The following TAF1D variants were observed in gnomAD, a reference collection of about 807,000 sequenced individuals.
TAF1D encodes TATA box-binding protein-associated factor RNA polymerase I subunit D.
TAF1D carries 23 observed loss-of-function variants against 26.2 expected under a neutral mutation model. The observed-to-expected ratio is 0.88, with a 90% confidence interval of 0.63 to 1.25. The LOEUF is 1.25. Ranked by LOEUF, TAF1D falls within the 50% of genes most tolerant of loss-of-function variation. The pLI, the probability that TAF1D is intolerant of heterozygous loss-of-function variation, is 0.00. For synonymous variants in TAF1D, 100 were observed against 105.6 expected, an observed-to-expected ratio of 0.95 and a Z score of 0.33; for missense variants, 299 against 322.0, an observed-to-expected ratio of 0.93 and a Z score of 0.55.
downstream of TAF1D, chr11:93,733,754 C>A: frequency 1.0e-5 from 3 of 298,500 alleles, no homozygotes; most frequent in Non-Finnish European, 2.0e-5. Context: ...AACCGCTGGG[C>A]TCAAGTGTTT....
In TAF1D at chr11:93,736,302, C is replaced by A; in HGVS notation, c.696G>T (p.Gly232=). The change falls in exon 6 of 6, where the codon GGG becomes GGT. Residue 232 remains glycine (G), a splice_region_variant and synonymous_variant. Coordinates refer to ENST00000448108, the MANE Select transcript of TAF1D (RefSeq NM_024116.4). ...EDNECDIKLA[G]DSFIVSSEFP... Reference sequence around the variant, plus strand: ...ATTCAGAACTTACTATGAAACTATCCCCCTGCATAAAACAAACAAAAAATC... The same window carrying A: ...ATTCAGAACTTACTATGAAACTATCACCCTGCATAAAACAAACAAAAAATC... The A allele has an allele frequency of 6.3e-7, 1 of 1,598,358 alleles. No homozygotes were observed. Among genetic ancestry groups the A allele is most frequent in the South Asian group, 1.1e-5 (1 of 88,066 alleles).
chr11:93,736,837 C>T (rs921671231), intron 4 of TAF1D, 86 bp from the exon 5 acceptor site: 11 of 1,402,640 alleles, frequency 7.8e-6, no homozygotes, highest in Non-Finnish European at 7.8e-6. Flanking sequence ...ATAACTGAAA[C>T]TGCAATACTA....
intron 4 of TAF1D, 147 bp downstream of exon 4, chr11:93,736,917 G>T: frequency 3.7e-6 from 4 of 1,094,946 alleles, no homozygotes; most frequent in Non-Finnish European, 5.1e-6. Flanking sequence ...TGCCAAGCTT[G>T]GCTCAACTGT....
chr11:93,732,096 C>T (rs148451551), downstream of TAF1D: 1 of 518,882 alleles, frequency 1.9e-6, no homozygotes, highest in African/African-American at 1.9e-5. Context: ...TATTTTTGGA[C>T]ACCATGATCA....
chr11:93,732,671 T>C (rs567543661), downstream of TAF1D: 1 of 287,814 alleles, frequency 3.5e-6, no homozygotes, highest in Non-Finnish European at 7.1e-6. Flanking sequence ...CTCTAGTCTT[T>C]GCCTAATCTT....
At chr11:93,731,900 T>C (rs1939045005), downstream of TAF1D, 1 of 394,820 alleles carries the variant, frequency 2.5e-6, no homozygotes, top group Admixed American at 3.1e-5. Flanking sequence ...ATACAGCACA[T>C]AAAAAAAGTG....
At chr11:93,740,466 A>G (rs1053299731) in intron 1 of TAF1D, among the ~76,000 whole-genome samples, 3 of 104,470 alleles carry the variant, frequency 2.9e-5, no homozygotes, top group African/African-American at 9.8e-5. Flanking sequence ...AAAAAAAAAA[A>G]GGCATGGCAA....
intron 1 of TAF1D, among the ~76,000 whole-genome samples, chr11:93,739,872 AACTG>A (rs758692947): frequency 2.0e-5 from 3 of 151,628 alleles, no homozygotes; most frequent in African/African-American, 4.9e-5. Flanking sequence ...TATTGGTGGA[AACTG>A]ACAAGTTCTG....
At chr11:93,731,645 G>A, downstream of TAF1D, 1 of 491,354 alleles carries the variant, frequency 2.0e-6, no homozygotes, top group South Asian at 1.5e-5. Flanking sequence ...GGTGATAGAT[G>A]TTGCAATAGC....
downstream of TAF1D, chr11:93,732,506 A>T (rs1196135544): frequency 5.9e-6 from 3 of 505,908 alleles, no homozygotes; most frequent in African/African-American, 5.8e-5. Context: ...TGCAATTATG[A>T]CTGAACTGTA....
chr11:93,730,307 T>G, exon 12 of TAF1D: 1 of 1,358,500 alleles, frequency 7.4e-7, no homozygotes, highest in Non-Finnish European at 1.0e-6. Flanking sequence ...TAATTGTGTA[T>G]ATGTAGCATT....
intron 2 of TAF1D, 142 bp from the exon 3 acceptor site, chr11:93,738,641 A>G (rs1354864544): frequency 4.0e-6 from 3 of 745,714 alleles, no homozygotes; most frequent in Non-Finnish European, 6.2e-6. Flanking sequence ...GGATGGGCTC[A>G]GAACCAGCTA....
intron 5 of TAF1D, 93 bp downstream of exon 5, chr11:93,736,601 A>G (rs1454935619): frequency 1.3e-6 from 2 of 1,514,788 alleles, no homozygotes; most frequent in Non-Finnish European, 1.8e-6. Context: ...CAAAAGTTAA[A>G]TGAAGTGTAA....
At chr11:93,737,475 T>TG (rs1179722189) in intron 3 of TAF1D, among the ~76,000 whole-genome samples, 1 of 152,186 alleles carries the variant, frequency 6.6e-6, no homozygotes, top group Non-Finnish European at 1.5e-5. Flanking sequence ...GTCTGGGACT[T>TG]ACTAAAGGCA....
chr11:93,739,981 AAG>A (rs1411069729), intron 1 of TAF1D, among the ~76,000 whole-genome samples: 21 of 149,800 alleles, frequency 1.4e-4, no homozygotes, highest in African/African-American at 4.2e-4. Flanking sequence ...AAAAAAAAAA[AAG>A]AAAAAGATTC....
Position 93,735,705 on chromosome 11 carries a change from G to A in TAF1D, c.*456C>T. The A allele has an allele frequency of 9.9e-7, 1 of 1,005,622 alleles. No homozygotes were observed. The highest frequency in any genetic ancestry group is 1.2e-6 in the Non-Finnish European group (1 of 842,640). 62.3% of individuals were successfully genotyped at this position (1,005,622 alleles called of 1,614,324 possible). On this transcript the variant is annotated 3_prime_UTR_variant, in exon 6 of 6. Coordinates refer to ENST00000448108, the MANE Select transcript of TAF1D (RefSeq NM_024116.4). ...ATTAAAGATACTCTAAATTTGGAAA[G>A]GGAAATGAGGTTATTACAATACTAA...
At chr11:93,734,889 GAGTA>G (rs1940362054), downstream of TAF1D, 1 of 782,476 alleles carries the variant, frequency 1.3e-6, no homozygotes, top group Non-Finnish European at 1.7e-6. Context: ...CCCCCTTTCT[GAGTA>G]ACTCCAACTA....
At chr11:93,738,565 G>T in intron 2 of TAF1D, 66 bp from the exon 3 acceptor site, 1 of 1,429,896 alleles carries the variant, frequency 7.0e-7, no homozygotes, top group Non-Finnish European at 9.3e-7. Context: ...TTAATACCCA[G>T]TCCTAAATGT....
intron 1 of TAF1D, among the ~76,000 whole-genome samples, chr11:93,740,147 A>G (rs1941591304): frequency 6.6e-6 from 1 of 151,904 alleles, no homozygotes; most frequent in African/African-American, 2.4e-5. Flanking sequence ...CGTCTCTACA[A>G]AAAATACGGA....
Sources: gnomAD v4.1 joint callset for allele counts (sites outside exome capture counted in the v4.1 genomes callset) on GRCh38, gnomAD v4.1.1 for gene constraint, MANE v1.5 for transcripts, NCBI Gene and HGNC (gene_info 2026-07-23, HGNC 2026-07-21) for gene names.